The following ZNF536 variants were observed in gnomAD, a reference collection of about 807,000 sequenced individuals.
The protein encoded by ZNF536 is zinc finger protein 536.
A neutral mutation model predicts 84.5 loss-of-function variants in ZNF536; 13 were observed. That is an observed-to-expected ratio of 0.15 (90% CI 0.10 to 0.24). The LOEUF is 0.24. ZNF536 is among the 10% of genes least tolerant of loss of function. ZNF536 has a pLI of 1.00. For missense variants in ZNF536, 1,536 were observed against 1,747.5 expected (o/e 0.88, Z 2.16); for synonymous variants, 811 against 742.5 (o/e 1.09, Z -1.50).
At chr19:30,484,600 C>T (rs1568476325) in intron 2 of ZNF536, among the ~76,000 whole-genome samples, 3 of 151,660 alleles carry the variant, frequency 2.0e-5, no homozygotes, top group Admixed American at 6.6e-5. Flanking sequence ...GCTCTTAGCC[C>T]ATCTCTGTGC....
chr19:30,422,672 C>T (rs956538817), intron 1 of ZNF536, among the ~76,000 whole-genome samples: 10 of 152,136 alleles, frequency 6.6e-5, no homozygotes, highest in Non-Finnish European at 1.5e-4. Context: ...TCTATCCATC[C>T]ATCCACACAT....
intron 2 of ZNF536, among the ~76,000 whole-genome samples, chr19:30,472,448 G>A (rs2053676899): frequency 6.6e-6 from 1 of 152,138 alleles, no homozygotes; most frequent in South Asian, 2.1e-4. Flanking sequence ...CCCGTAGCCA[G>A]AGAAAGATTA....
At chr19:30,571,708 G>A (rs565305852) in intron 1 of ZNF536, among the ~76,000 whole-genome samples, 4 of 152,142 alleles carry the variant, frequency 2.6e-5, no homozygotes, top group African/African-American at 4.8e-5. Flanking sequence ...TTCCTCCCAC[G>A]GTCTCAGGCC....
chr19:30,321,180 C>T (rs183901369), intron 2 of ZNF536, among the ~76,000 whole-genome samples: 2 of 152,316 alleles, frequency 1.3e-5, no homozygotes, highest in South Asian at 2.1e-4. Flanking sequence ...AGGCTCATCT[C>T]CTTTTCTCTG....
At chr19:30,423,930 G>T (rs1281272680) in intron 1 of ZNF536, among the ~76,000 whole-genome samples, 1 of 152,134 alleles carries the variant, frequency 6.6e-6, no homozygotes, top group Non-Finnish European at 1.5e-5. Context: ...CCCTGCCAGG[G>T]TCAAGCATGG....
At chr19:30,472,143 G>A (rs531574082) in intron 2 of ZNF536, among the ~76,000 whole-genome samples, 1 of 152,220 alleles carries the variant, frequency 6.6e-6, no homozygotes, top group African/African-American at 2.4e-5. Flanking sequence ...AGAGTGTACA[G>A]CTGCCAACCG....
chr19:30,607,596 C>G (rs1294187050), intron 1 of ZNF536, among the ~76,000 whole-genome samples: 1 of 151,674 alleles, frequency 6.6e-6, no homozygotes, highest in Non-Finnish European at 1.5e-5. Flanking sequence ...GTGGTGCACA[C>G]CTGTAATCAC....
intron 2 of ZNF536, among the ~76,000 whole-genome samples, chr19:30,470,174 C>A (rs1303773472): frequency 6.6e-6 from 1 of 152,130 alleles, no homozygotes; most frequent in Non-Finnish European, 1.5e-5. Context: ...TGATTTTTGG[C>A]TTGTTGGTAC....
chr19:30,523,586 AG>A (rs1339016564), intron 2 of ZNF536, among the ~76,000 whole-genome samples: 5 of 152,210 alleles, frequency 3.3e-5, no homozygotes, highest in Admixed American at 3.3e-4. Flanking sequence ...CTTTGGAGAT[AG>A]GGACAGTGAC....
intron 1 of ZNF536, among the ~76,000 whole-genome samples, chr19:30,684,244 C>T (rs1355217316): frequency 1.3e-5 from 2 of 152,164 alleles, no homozygotes; most frequent in Admixed American, 1.3e-4. Flanking sequence ...AAGTGATCCT[C>T]CCACCTCAGC....
intron 1 of ZNF536, among the ~76,000 whole-genome samples, chr19:30,645,353 G>A (rs1371945351): frequency 2.0e-5 from 3 of 152,142 alleles, no homozygotes; most frequent in South Asian, 2.1e-4. Context: ...CTTTTGCTGT[G>A]CAGAAGCTCT....
At chr19:30,545,383 G>GTTTTT (rs2045503833) in intron 3 of ZNF536, among the ~76,000 whole-genome samples, 4 of 85,226 alleles carry the variant, frequency 4.7e-5, no homozygotes, top group Admixed American at 1.2e-4. Flanking sequence ...GCTCCCATAT[G>GTTTTT]TCTTTTTTTT....
intron 1 of ZNF536, among the ~76,000 whole-genome samples, chr19:30,376,846 G>A (rs1173783334): frequency 6.6e-6 from 1 of 150,486 alleles, no homozygotes; most frequent in Admixed American, 6.6e-5. Context: ...CCCCTGCCCC[G>A]ACCCCACCCC....
intron 2 of ZNF536, among the ~76,000 whole-genome samples, chr19:30,501,257 G>C (rs1394482295): frequency 6.6e-6 from 1 of 152,162 alleles, no homozygotes; most frequent in Non-Finnish European, 1.5e-5. Flanking sequence ...ACATCCCTCA[G>C]TTTCAAGCAT....
Position 30,548,278 on chromosome 19 carries a change from G to A in ZNF536, c.2659G>A (p.Gly887Ser), listed in dbSNP as rs769359052. 6 of 1,614,112 alleles carry A rather than the reference G, an allele frequency of 3.7e-6. No homozygotes were observed. The highest frequency in any genetic ancestry group is 5.1e-6 in the Non-Finnish European group (6 of 1,180,062). Residue 887 changes from glycine (G) to serine (S), a missense_variant, in exon 4 of 5, where the codon GGC (glycine) becomes AGC (serine). Physicochemically the swap from Gly to Ser is moderately conservative, Grantham distance 56 (BLOSUM62 0). Transcript: ENST00000355537. ...SSEVPSDALK[G>S]TDLPSKSTHF... ...GGAGGTCCCCTCAGATGCTCTGAAA[G>A]GCACTGACCTTCCTTCCAAAAGCAC...
At chr19:30,231,639 G>C (rs1408637368) in intron 1 of ZNF536, among the ~76,000 whole-genome samples, 1 of 152,230 alleles carries the variant, frequency 6.6e-6, no homozygotes, top group Non-Finnish European at 1.5e-5. Context: ...CTTTTGCCAA[G>C]GAGAGGGATT....
At chr19:30,511,310 A>G (rs1030205858) in intron 2 of ZNF536, among the ~76,000 whole-genome samples, 4 of 152,188 alleles carry the variant, frequency 2.6e-5, no homozygotes, top group South Asian at 4.2e-4. Flanking sequence ...CAGACCCCCA[A>G]TATATTTTGT....
At chr19:30,409,069 T>C (rs1600611159) in intron 1 of ZNF536, among the ~76,000 whole-genome samples, 1 of 152,188 alleles carries the variant, frequency 6.6e-6, no homozygotes, top group Non-Finnish European at 1.5e-5. Context: ...CATCCATCCA[T>C]CCATCCATCC....
At position 30,646,444 on chromosome 19, in the gene ZNF536, G is replaced by T. The variant is rs542345280; in HGVS notation, c.170-64313G>T. Reference sequence around the variant, plus strand: ...AGGCAGGAGTGCATCTTTGCAAGGTGTGAAGGTGTGCTCATGAATGTCCCT... The same window carrying T: ...AGGCAGGAGTGCATCTTTGCAAGGTTTGAAGGTGTGCTCATGAATGTCCCT... On this transcript the variant is annotated intron_variant, in intron 1 of 1. Transcript: ENST00000592773. Among the ~76,000 whole-genome samples the T allele has an allele frequency of 1.3e-3, 198 of 152,328 alleles. 1 individual carries two copies. Among genetic ancestry groups the T allele is most frequent in the Admixed American group, 3.7e-3 (57 of 15,304 alleles).
Sources: gnomAD v4.1 joint callset for allele counts (sites outside exome capture counted in the v4.1 genomes callset) on GRCh38, gnomAD v4.1.1 for gene constraint, MANE v1.5 for transcripts, NCBI Gene and HGNC (gene_info 2026-07-23, HGNC 2026-07-21) for gene names.